CACNB4: variants seen among roughly 807,000 people sequenced by gnomAD.
CACNB4 encodes calcium voltage-gated channel auxiliary subunit beta 4, also known as voltage-dependent L-type calcium channel subunit beta-4.
A neutral mutation model predicts 71.2 loss-of-function variants in CACNB4; 32 were observed. The observed-to-expected ratio is 0.45, with a 90% CI of 0.34 to 0.60. The LOEUF is 0.60. Ranked by LOEUF, CACNB4 falls within the 20% of genes least tolerant of loss-of-function variation. CACNB4 has a pLI of 0.01. For missense variants in CACNB4, 464 were observed against 647.9 expected (o/e 0.72, Z 3.08); for synonymous variants, 231 against 236.9 (o/e 0.97, Z 0.23).
chr2:152,068,641 C>T (rs1686484769), intron 2 of CACNB4, among the ~76,000 whole-genome samples: 1 of 152,206 alleles, frequency 6.6e-6, no homozygotes, highest in African/African-American at 2.4e-5. Context: ...GATGGAATGG[C>T]TCCAAGAAGC....
intron 2 of CACNB4, among the ~76,000 whole-genome samples, chr2:152,006,401 C>CTTTTTTTTTTTTTTTTTTTTTTTTTTT (rs60046879): frequency 7.2e-6 from 1 of 138,554 alleles, no homozygotes; most frequent in Non-Finnish European, 1.5e-5. Flanking sequence ...TCTTTTCTTT[C>CTTTTTTTTTTTTTTTTTTTTTTTTTTT]TTTTTTTTTT....
chr2:151,957,695 T>G (rs1159284515), intron 2 of CACNB4, among the ~76,000 whole-genome samples: 2 of 152,184 alleles, frequency 1.3e-5, no homozygotes, highest in East Asian at 3.8e-4. Context: ...TCCTAAGCCT[T>G]ACTCCAAACT....
At chr2:151,906,780 G>A (rs1404066239) in intron 2 of CACNB4, among the ~76,000 whole-genome samples, 1 of 152,140 alleles carries the variant, frequency 6.6e-6, no homozygotes, top group Non-Finnish European at 1.5e-5. Flanking sequence ...ATGCTATGCT[G>A]AAAAGCTTGT....
At chr2:151,904,343 G>T (rs546105079) in intron 2 of CACNB4, among the ~76,000 whole-genome samples, 2 of 152,274 alleles carry the variant, frequency 1.3e-5, no homozygotes, top group East Asian at 3.9e-4. Context: ...GTTATTGAGT[G>T]ACAATTGAGT....
At chr2:151,906,492 A>G (rs1286005001) in intron 2 of CACNB4, among the ~76,000 whole-genome samples, 1 of 152,186 alleles carries the variant, frequency 6.6e-6, no homozygotes, top group Non-Finnish European at 1.5e-5. Flanking sequence ...TACTCTATCT[A>G]TGAAGCCACT....
At chr2:151,948,409 C>T (rs542115179) in intron 2 of CACNB4, among the ~76,000 whole-genome samples, 67 of 152,264 alleles carry the variant, frequency 4.4e-4, no homozygotes, top group African/African-American at 1.6e-3. Flanking sequence ...GCCTGTAATC[C>T]CAACACTTTG....
chr2:152,099,090 G>T (rs367600830), upstream of CACNB4: 66 of 946,734 alleles, frequency 7.0e-5, 1 homozygote, highest in Non-Finnish European at 7.5e-5. Flanking sequence ...GCGGACGGAG[G>T]GGGAGGGCGC....
intron 9 of CACNB4, among the ~76,000 whole-genome samples, chr2:151,862,585 A>C (rs1484731025): frequency 1.3e-5 from 2 of 152,226 alleles, no homozygotes; most frequent in African/African-American, 4.8e-5. Flanking sequence ...CAGCTTCACT[A>C]TCCTCAGTGC....
chr2:151,986,289 C>T (rs973707321), intron 2 of CACNB4, among the ~76,000 whole-genome samples: 1 of 152,126 alleles, frequency 6.6e-6, no homozygotes, highest in South Asian at 2.1e-4. Flanking sequence ...ACTTATATAC[C>T]CAACACCTGG....
intron 2 of CACNB4, among the ~76,000 whole-genome samples, chr2:151,922,026 T>C (rs2099859134): frequency 1.3e-5 from 2 of 152,098 alleles, no homozygotes; most frequent in African/African-American, 4.8e-5. Context: ...AATGGACTAA[T>C]ACAATATTCA....
At chr2:152,080,302 T>C (rs1687289375) in intron 2 of CACNB4, among the ~76,000 whole-genome samples, 1 of 152,022 alleles carries the variant, frequency 6.6e-6, no homozygotes, top group Non-Finnish European at 1.5e-5. Flanking sequence ...TTTGCATTTT[T>C]AGTAGAGACA....
intron 10 of CACNB4, 70 bp from the exon 11 acceptor site, chr2:151,855,445 T>C: frequency 8.5e-7 from 1 of 1,181,902 alleles, no homozygotes; most frequent in Non-Finnish European, 1.2e-6. Context: ...AAAGATATAG[T>C]ATATTTTCAG....
chr2:151,965,456 T>C (rs1008666147), intron 2 of CACNB4, among the ~76,000 whole-genome samples: 2 of 152,218 alleles, frequency 1.3e-5, no homozygotes, highest in African/African-American at 4.8e-5. Context: ...CCTGGGGTTT[T>C]TCAACTGATG....
At chr2:151,909,175 T>A (rs998869319) in intron 2 of CACNB4, among the ~76,000 whole-genome samples, 4 of 150,062 alleles carry the variant, frequency 2.7e-5, no homozygotes, top group Admixed American at 6.6e-5. Context: ...CACGCCTGTA[T>A]TCCCAGCACT....
intron 2 of CACNB4, among the ~76,000 whole-genome samples, chr2:151,897,673 C>A (rs749713229): frequency 3.3e-5 from 5 of 152,168 alleles, no homozygotes; most frequent in African/African-American, 4.8e-5. Flanking sequence ...GTACAATAAG[C>A]AGTTTTGAGT....
At chr2:151,859,945 G>C (rs1426442901) in intron 10 of CACNB4, 1 of 152,120 alleles carries the variant, frequency 6.6e-6, no homozygotes, top group African/African-American at 2.4e-5. Context: ...AAAAATGTAA[G>C]GCATGGAAGA....
rs749071413 is a variant in CACNB4, at chr2:151,870,322, T to C, written c.699+209A>G. 4.3e-6 allele frequency: 3 copies of C among 703,722 alleles called. No homozygotes were observed. The South Asian group carries it at 4.4e-5, about 10-fold the overall frequency. 43.6% of individuals were successfully genotyped at this position (703,722 alleles called of 1,614,324 possible). A position where few individuals can be genotyped will look rare whatever the true frequency, so the allele number is the denominator to read the frequency against. On this transcript the variant is annotated intron_variant, in intron 8 of 13. Coordinates refer to ENST00000539935, the MANE Select transcript of CACNB4 (RefSeq NM_000726.5). ...TTTTGAGGGAGGTATTTCTAAACAATGTAATACATAAAAGATGAGAAGTGT... is the reference window on the plus strand; with the variant it reads ...TTTTGAGGGAGGTATTTCTAAACAACGTAATACATAAAAGATGAGAAGTGT...
At chr2:151,885,405 A>C (rs1300635065) in intron 2 of CACNB4, among the ~76,000 whole-genome samples, 1 of 152,180 alleles carries the variant, frequency 6.6e-6, no homozygotes. Context: ...ACTCAAACTC[A>C]GGTAGTTCAG....
intron 2 of CACNB4, among the ~76,000 whole-genome samples, chr2:151,904,694 C>T (rs1230569136): frequency 6.6e-6 from 1 of 152,050 alleles, no homozygotes; most frequent in Non-Finnish European, 1.5e-5. Flanking sequence ...ACCACCACAC[C>T]CAGCTAATTT....
Sources: gnomAD v4.1 joint callset for allele counts (sites outside exome capture counted in the v4.1 genomes callset) on GRCh38, gnomAD v4.1.1 for gene constraint, MANE v1.5 for transcripts, NCBI Gene and HGNC (gene_info 2026-07-23, HGNC 2026-07-21) for gene names.